GNL2: variants seen among roughly 807,000 people sequenced by gnomAD.
GNL2 encodes G protein nucleolar 2.
In GNL2, 51 loss-of-function variants were observed where a neutral mutation model predicts 92.3. That is an observed-to-expected ratio of 0.55 (90% CI 0.44 to 0.70). The LOEUF is 0.70. GNL2 is among the 30% of genes least tolerant of loss of function. The probability of loss-of-function intolerance (pLI) is 0.00; values close to 1 mark genes in which losing one functional copy is unlikely to be tolerated. For synonymous variants in GNL2, 283 were observed against 300.6 expected, an observed-to-expected ratio of 0.94 and a Z score of 0.61; for missense variants, 844 against 895.6, an observed-to-expected ratio of 0.94 and a Z score of 0.74.
intron 8 of GNL2, among the ~76,000 whole-genome samples, chr1:37,577,248 C>T (rs1280935560): frequency 1.3e-5 from 2 of 152,176 alleles, no homozygotes; most frequent in Non-Finnish European, 2.9e-5. Context: ...CTCACCCCCC[C>T]TTTTCTTTGC....
At chr1:37,571,743 T>C (rs1414630014) in intron 12 of GNL2, among the ~76,000 whole-genome samples, 1 of 152,246 alleles carries the variant, frequency 6.6e-6, no homozygotes, top group Non-Finnish European at 1.5e-5. Context: ...AAATCTATTA[T>C]GGTTACAATA....
intron 5 of GNL2, among the ~76,000 whole-genome samples, chr1:37,586,358 T>C (rs1643850334): frequency 6.6e-6 from 1 of 152,078 alleles, no homozygotes; most frequent in Non-Finnish European, 1.5e-5. Flanking sequence ...GCGATCTTCC[T>C]GCCTCAGCCT....
intron 2 of GNL2, 123 bp downstream of exon 2, chr1:37,593,639 T>C: frequency 1.5e-6 from 1 of 655,990 alleles, no homozygotes; most frequent in Non-Finnish European, 2.7e-6. Context: ...TACAATTATA[T>C]TTGAGAATAT....
At chr1:37,590,619 G>C in intron 4 of GNL2, 87 bp downstream of exon 4, 3 of 1,127,304 alleles carry the variant, frequency 2.7e-6, no homozygotes, top group Non-Finnish European at 4.0e-6. Flanking sequence ...TATTTTCTAA[G>C]GAAAAACAAA....
chr1:37,581,027 GAAT>G (rs1401026423), intron 8 of GNL2, among the ~76,000 whole-genome samples: 4 of 152,130 alleles, frequency 2.6e-5, no homozygotes, highest in Non-Finnish European at 5.9e-5. Context: ...AACACTGAAT[GAAT>G]AATACTGTAA....
rs372278493 is a variant in GNL2, at chr1:37,583,721, GT to G, written c.636+145del. 1.9e-3 allele frequency: 1,072 copies of G among 568,350 alleles called. 15 individuals are homozygous for G. Among genetic ancestry groups the G allele is most frequent in the African/African-American group, 0.018 (981 of 53,412 alleles). The allele number at this position is 568,350 out of a possible 1,614,324, so 35.2% of individuals were successfully genotyped here. A position where few individuals can be genotyped will look rare whatever the true frequency, so the allele number is the denominator to read the frequency against. On this transcript the variant is annotated intron_variant, in intron 6 of 15. Coordinates refer to ENST00000373062, the MANE Select transcript of GNL2 (RefSeq NM_013285.3). ...AGATCAATGGTAGTACGCCTTCCGAGTTTCTTTGTAGGAGGAAGAGGATGGA... is the reference window on the plus strand; with the variant it reads ...AGATCAATGGTAGTACGCCTTCCGAGTTCTTTGTAGGAGGAAGAGGATGGA...
At chr1:37,587,558 A>C in intron 4 of GNL2, 63 bp from the exon 5 acceptor site, 88 of 1,051,092 alleles carry the variant, frequency 8.4e-5, no homozygotes, top group Non-Finnish European at 1.2e-4. Flanking sequence ...CAAAAAGCTC[A>C]ACACCCACCT....
At chr1:37,568,743 A>C (rs1643547143) in intron 13 of GNL2, 108 bp downstream of exon 13, 1 of 811,798 alleles carries the variant, frequency 1.2e-6, no homozygotes, top group Non-Finnish European at 2.0e-6. Context: ...AACCCAACCG[A>C]ACAAACAAAT....
In GNL2 at chr1:37,595,785, T is replaced by C. The variant is rs1328580300; in HGVS notation, c.38A>G (p.Asn13Ser). The C allele has an allele frequency of 1.2e-6, 2 of 1,614,180 alleles. No individual in the cohort carries two copies. The highest frequency in any genetic ancestry group is 1.7e-5 in the Admixed American group (1 of 60,028). ...KPKYKGRSTINPSKASTNPDR... is the reference protein window; with the variant it reads ...KPKYKGRSTISPSKASTNPDR... The stretch of plus-strand genomic sequence containing the variant: ...TGGGTTTGTGCTGGCCTTGGACGGG[T>C]TGATGGTGCTCCGTCCTTTGTACTT... Residue 13 changes from asparagine to serine, a missense_variant, in exon 1 of 16, where the codon AAC (asparagine) becomes AGC (serine). By Grantham distance (46) the Asn-to-Ser change is conservative. Coordinates refer to ENST00000373062, the MANE Select transcript of GNL2 (RefSeq NM_013285.3).
At chr1:37,568,177 T>C in intron 14 of GNL2, 98 bp downstream of exon 14, 1 of 737,354 alleles carries the variant, frequency 1.4e-6, no homozygotes, top group Non-Finnish European at 2.4e-6. Flanking sequence ...GACAAACATT[T>C]ATGTGGATGA....
rs1643552039 is a variant in GNL2, at chr1:37,568,960, C to T, written c.1759G>A (p.Glu587Lys). 9 of 1,614,094 alleles carry T rather than the reference C, an allele frequency of 5.6e-6. No homozygotes were observed. Among genetic ancestry groups the T allele is most frequent in the East Asian group, 2.2e-5 (1 of 44,894 alleles). The change falls in exon 13 of 16, where the codon GAA (glutamate) becomes AAA (lysine). Residue 587 changes from glutamate to lysine, a missense_variant. Glu to Lys is a moderately conservative substitution (Grantham distance 56). Coordinates refer to ENST00000373062, the MANE Select transcript of GNL2 (RefSeq NM_013285.3). ...GCTTTGGTGTCGTTTCCCACATTTT[C>T]CTCCTCAGGCTCCGAGGAAGACTCT... ...AEESSSEPEE[E>K]NVGNDTKAVI...
rs1364346939 is a variant in GNL2 at position 37,592,816 on chromosome 1, G to A, written c.150-10C>T. ...TTTACCACGACTGTTCCTAAATTGA[G>A]GAAAGAACAGATATTGGTTGACAAC... On this transcript the variant is annotated splice_polypyrimidine_tract_variant and intron_variant, in intron 2 of 15. Coordinates refer to ENST00000373062, the MANE Select transcript of GNL2 (RefSeq NM_013285.3). The A allele has an allele frequency of 6.9e-7, 1 of 1,451,784 alleles. No individual in the cohort carries two copies. Among genetic ancestry groups the A allele is most frequent in the Admixed American group, 1.7e-5 (1 of 59,444 alleles). 89.9% of individuals were successfully genotyped at this position (1,451,784 alleles called of 1,614,324 possible).
At chr1:37,590,650 G>A in intron 4 of GNL2, 56 bp downstream of exon 4, 1 of 1,371,248 alleles carries the variant, frequency 7.3e-7, no homozygotes. Context: ...GTTAGAGAGG[G>A]ATCTGCATGG....
At chr1:37,592,481 T>C (rs1337489182) in intron 3 of GNL2, among the ~76,000 whole-genome samples, 3 of 152,216 alleles carry the variant, frequency 2.0e-5, no homozygotes, top group Non-Finnish European at 4.4e-5. Flanking sequence ...GATGGTCTTA[T>C]CTGCTTAAGA....
rs1251162093 is a variant in GNL2, at chr1:37,587,524, A to AG, written c.385-30_385-29insC. ...AAGAGAAAGGAGAATAACAGGTAAA[A>AG]CTAAGAAAAGCACTGAGAAAAAGCA... On this transcript the variant is annotated intron_variant, in intron 4 of 15. Transcript: ENST00000373062. 4.1e-5 allele frequency: 61 copies of AG among 1,502,716 alleles called. 1 individual carries two copies. Among genetic ancestry groups the AG allele is most frequent in the Non-Finnish European group, 5.2e-5 (57 of 1,096,362 alleles). The allele number at this position is 1,502,716 out of a possible 1,614,324, so 93.1% of individuals were successfully genotyped here.
At position 37,590,751 on chromosome 1, in the gene GNL2, T is replaced by G. The variant is rs773226262; in HGVS notation, c.339A>C (p.Gln113His). ...MKDPYKVVMK[Q>H]SKLPMSLLHD... ...GGAGAAGAGACATTGGTAACTTGCT[T>G]TGCTTCATGACAACTTTGTATGGAT... The change falls in exon 4 of 16, where the codon CAA (glutamine) becomes CAC (histidine). Residue 113 changes from glutamine (Q) to histidine (H), a missense_variant. Coordinates refer to ENST00000373062, the MANE Select transcript of GNL2 (RefSeq NM_013285.3). The G allele has an allele frequency of 1.9e-5, 31 of 1,613,244 alleles. No homozygotes were observed. Among genetic ancestry groups the G allele is most frequent in the Non-Finnish European group, 2.6e-5 (31 of 1,179,222 alleles).
chr1:37,567,100 T>C, intron 15 of GNL2, 93 bp from the exon 16 acceptor site: 1 of 1,329,484 alleles, frequency 7.5e-7, no homozygotes, highest in Non-Finnish European at 1.0e-6. Context: ...CATCTCTGTG[T>C]TCTATTTCCC....
chr1:37,589,280 TAA>T (rs1643873463), intron 4 of GNL2, among the ~76,000 whole-genome samples: 2 of 152,256 alleles, frequency 1.3e-5, no homozygotes, highest in African/African-American at 4.8e-5. Context: ...GTTCTGCAAG[TAA>T]ACAGTTTTCT....
intron 12 of GNL2, chr1:37,569,660 G>A (rs1643565657): frequency 4.8e-6 from 1 of 207,878 alleles, no homozygotes; most frequent in Middle Eastern, 2.1e-3. Flanking sequence ...ACATAAAAAT[G>A]AAGGCCAGGC....
Sources: gnomAD v4.1 joint callset for allele counts (sites outside exome capture counted in the v4.1 genomes callset) on GRCh38, gnomAD v4.1.1 for gene constraint, MANE v1.5 for transcripts, NCBI Gene and HGNC (gene_info 2026-07-23, HGNC 2026-07-21) for gene names.